Variants in PCDHA3 observed in about 807,000 individuals in gnomAD.
PCDHA3 encodes the protein protocadherin alpha 3.
A neutral mutation model predicts 62.2 loss-of-function variants in PCDHA3; 41 were observed. That is an observed-to-expected ratio of 0.66 (90% confidence interval 0.51 to 0.86). PCDHA3 has a LOEUF of 0.86. Among genes scored for constraint, PCDHA3 ranks in the 40% least tolerant of loss-of-function variants. PCDHA3 has a pLI of 0.00. For synonymous variants in PCDHA3, 640 were observed against 555.4 expected, an observed-to-expected ratio of 1.15 and a Z score of -2.14; for missense variants, 1,304 against 1,241.2, an observed-to-expected ratio of 1.05 and a Z score of -0.76.
At chr5:140,821,790 G>A in intron 1 of PCDHA3, 1 of 1,612,306 alleles carries the variant, frequency 6.2e-7, no homozygotes, top group Non-Finnish European at 8.5e-7. Flanking sequence ...TATATTCCCG[G>A]AGAGGAAGTC....
rs542272513 is a variant in PCDHA3 at position 140,808,844 on chromosome 5, G to A, written c.2394+5253G>A. The A allele has an allele frequency of 3.1e-6, 5 of 1,613,056 alleles. No individual in the cohort carries two copies. The highest frequency in any genetic ancestry group is 4.2e-6 in the Non-Finnish European group (5 of 1,179,922). On this transcript the variant is annotated intron_variant, in intron 1 of 3. Coordinates refer to ENST00000522353, the MANE Select transcript of PCDHA3 (RefSeq NM_018906.3). ...TCTGGGCAGCAACGTGACGCTGCAG[G>A]TGTTCGTGCTGGACGAAAACGACAA...
At chr5:140,930,084 A>G (rs1350674790) in intron 1 of PCDHA3, 1 of 152,142 alleles carries the variant, frequency 6.6e-6, no homozygotes, top group Non-Finnish European at 1.5e-5. Flanking sequence ...CTCTCATAAC[A>G]TCTATTTATA....
chr5:140,922,257 G>A (rs2080747240), intron 1 of PCDHA3, among the ~76,000 whole-genome samples: 5 of 152,172 alleles, frequency 3.3e-5, no homozygotes, highest in Admixed American at 3.3e-4. Context: ...AAGTTACTAA[G>A]TGCCATGAAG....
intron 1 of PCDHA3, chr5:140,807,237 T>C (rs781879266): frequency 3.1e-6 from 5 of 1,614,076 alleles, no homozygotes; most frequent in Non-Finnish European, 4.2e-6. Flanking sequence ...CTGCTGCTCT[T>C]ACTTCTTCTC....
Position 140,828,817 on chromosome 5 carries a change from C to G in PCDHA3, c.2394+25226C>G. On this transcript the variant is annotated intron_variant, in intron 1 of 3. Coordinates refer to ENST00000522353, the MANE Select transcript of PCDHA3 (RefSeq NM_018906.3). ...ATGTGAATGATAATGCTCCCACTTT[C>G]GAACAGTCTGAATACGAAGTAAGAA... 3 of 1,614,148 alleles carry G rather than the reference C, an allele frequency of 1.9e-6. No individual in the cohort carries two copies. The African/African-American group carries it at 4.0e-5, about 22-fold the overall frequency.
intron 1 of PCDHA3, chr5:140,842,442 T>G (rs1777952178): frequency 1.2e-6 from 2 of 1,613,802 alleles, no homozygotes; most frequent in Non-Finnish European, 1.7e-6. Flanking sequence ...CTAATTAGCG[T>G]GAACGACCTC....
At chr5:140,823,382 C>G in intron 1 of PCDHA3, 1 of 1,612,794 alleles carries the variant, frequency 6.2e-7, no homozygotes, top group Non-Finnish European at 8.5e-7. Context: ...CAGGTGAGCG[C>G]GCGCGACGCG....
chr5:140,976,287 AAGCCTGTAATCCC>A (rs1253731489), intron 1 of PCDHA3, among the ~76,000 whole-genome samples: 3 of 152,196 alleles, frequency 2.0e-5, no homozygotes, highest in Admixed American at 6.5e-5. Flanking sequence ...ACAGTGGCTC[AAGCCTGTAATCCC>A]AGCACTTTGG....
At chr5:140,908,794 C>T (rs1554193480) in intron 1 of PCDHA3, among the ~76,000 whole-genome samples, 1 of 152,142 alleles carries the variant, frequency 6.6e-6, no homozygotes, top group African/African-American at 2.4e-5. Context: ...TTCTGTACTA[C>T]ATTAAAAAGT....
At chr5:140,936,124 C>T (rs2090779585) in intron 1 of PCDHA3, among the ~76,000 whole-genome samples, 1 of 152,130 alleles carries the variant, frequency 6.6e-6, no homozygotes, top group African/African-American at 2.4e-5. Context: ...AACTCCTGAC[C>T]TTAAGTGATC....
intron 1 of PCDHA3, among the ~76,000 whole-genome samples, chr5:140,947,763 A>C (rs1392881813): frequency 1.3e-5 from 2 of 151,658 alleles, no homozygotes; most frequent in Non-Finnish European, 3.0e-5. Context: ...TGGTTTAAAA[A>C]ATTCTATTGT....
chr5:140,839,663 T>C (rs1477931034), intron 1 of PCDHA3, among the ~76,000 whole-genome samples: 1 of 152,084 alleles, frequency 6.6e-6, no homozygotes, highest in East Asian at 1.9e-4. Context: ...TTTGCTACTA[T>C]TTAGAGTCAA....
intron 1 of PCDHA3, chr5:140,827,955 C>A: frequency 7.8e-7 from 1 of 1,286,522 alleles, no homozygotes; most frequent in Non-Finnish European, 1.1e-6. Context: ...ATTCAAATTT[C>A]TTCTATTACT....
chr5:140,909,494 G>A (rs1554193825), intron 1 of PCDHA3, among the ~76,000 whole-genome samples: 2 of 152,174 alleles, frequency 1.3e-5, no homozygotes, highest in African/African-American at 4.8e-5. Context: ...GAGCTGAACG[G>A]GGATGTGGTG....
chr5:140,954,737 T>C (rs1208625491), intron 1 of PCDHA3, among the ~76,000 whole-genome samples: 38 of 152,210 alleles, frequency 2.5e-4, no homozygotes, highest in Non-Finnish European at 1.5e-5. Flanking sequence ...TTCACTCTGA[T>C]GATAGTTTCT....
chr5:140,802,958 G>A lies in PCDHA3; in HGVS notation c.1761G>A (p.Ala587=), dbSNP rs1213340646. ...AGCTGGTGCCGCGGTCAGTGGGTGC[G>A]GGCCACGTGGTAGCGAAGGTGCGCG... ...VSELVPRSVG[A]GHVVAKVRAV... The change falls in exon 1 of 4, where the codon GCG becomes GCA. Residue 587 remains alanine (A), a synonymous_variant. Transcript: ENST00000522353. 4 of 1,613,836 alleles carry A rather than the reference G, an allele frequency of 2.5e-6. No homozygotes were observed. The highest frequency in any genetic ancestry group is 3.4e-6 in the Non-Finnish European group (4 of 1,179,916).
intron 1 of PCDHA3, among the ~76,000 whole-genome samples, chr5:140,890,900 A>G (rs1554184581): frequency 6.6e-6 from 1 of 151,984 alleles, no homozygotes; most frequent in Admixed American, 6.6e-5. Flanking sequence ...TTGTCTTTCC[A>G]TGTTAGAATA....
intron 1 of PCDHA3, among the ~76,000 whole-genome samples, chr5:140,874,129 G>A (rs1400596915): frequency 6.6e-6 from 1 of 151,518 alleles, no homozygotes; most frequent in African/African-American, 2.5e-5. Context: ...GTTTATTTAA[G>A]TTATCTTATA....
chr5:140,830,840 T>G (rs1048325789), intron 1 of PCDHA3: 1 of 154,714 alleles, frequency 6.5e-6, no homozygotes, highest in African/African-American at 2.4e-5. Flanking sequence ...ATAATTTTTT[T>G]ACATATACTC....
Sources: gnomAD v4.1 joint callset for allele counts (sites outside exome capture counted in the v4.1 genomes callset) on GRCh38, gnomAD v4.1.1 for gene constraint, MANE v1.5 for transcripts, NCBI Gene and HGNC (gene_info 2026-07-23, HGNC 2026-07-21) for gene names.